Variants in IL1RAPL1 observed in about 807,000 individuals in gnomAD.
The protein encoded by IL1RAPL1 is interleukin 1 receptor accessory protein like 1.
In IL1RAPL1, 3 loss-of-function variants were observed where a neutral mutation model predicts 48.4. The ratio of observed to expected loss-of-function variants is 0.06; its 90% CI spans 0.03 to 0.16. The LOEUF (loss-of-function observed/expected upper bound fraction) is 0.16, where lower values mean the gene tolerates loss of function less well. IL1RAPL1 is among the 10% of genes least tolerant of loss of function. The pLI, the probability that IL1RAPL1 is intolerant of heterozygous loss-of-function variation, is 1.00. For synonymous variants in IL1RAPL1, 185 were observed against 187.7 expected, an observed-to-expected ratio of 0.99 and a Z score of 0.12; for missense variants, 349 against 530.6, an observed-to-expected ratio of 0.66 and a Z score of 3.36.
Position 29,137,258 on chromosome X carries a change from TCACA to T in IL1RAPL1, c.83-145653_83-145650del, listed in dbSNP as rs113222106. Among the ~76,000 whole-genome samples, 661 of 100,359 alleles carry T rather than the reference TCACA, an allele frequency of 6.6e-3. 3 individuals carry two copies. Among genetic ancestry groups the T allele is most frequent in the African/African-American group, 0.018 (518 of 28,033 alleles). The allele number at this position is 100,359 out of a possible 115,157, so 87.1% of individuals were successfully genotyped here. Reference sequence around the variant, plus strand: ...AAAAATTACACACACACACTTGCGCTCACACACACACACACACACACACACACAC... The same window carrying T: ...AAAAATTACACACACACACTTGCGCTCACACACACACACACACACACACAC... On this transcript the variant is annotated intron_variant, in intron 2 of 10. Transcript: ENST00000378993.
intron 9 of IL1RAPL1, among the ~76,000 whole-genome samples, chrX:29,949,001 C>CT (rs2147255596): frequency 8.9e-6 from 1 of 112,068 alleles, no homozygotes; most frequent in Non-Finnish European, 1.9e-5. Context: ...CAGCCACTAC[C>CT]TTCAACTTGA....
intron 2 of IL1RAPL1, among the ~76,000 whole-genome samples, chrX:29,057,627 C>A (rs1287150472): frequency 1.9e-4 from 21 of 110,705 alleles, no homozygotes; most frequent in African/African-American, 5.3e-4. Context: ...TGGGGTTTCA[C>A]CATGTTGGCC....
chrX:29,610,640 A>C (rs980007199), intron 5 of IL1RAPL1, among the ~76,000 whole-genome samples: 56 of 112,474 alleles, frequency 5.0e-4, no homozygotes, highest in African/African-American at 1.7e-3. Context: ...TTTTATTGTT[A>C]ACCTGACGGT....
chrX:28,899,199 C>G (rs1923010286), intron 2 of IL1RAPL1, among the ~76,000 whole-genome samples: 1 of 111,433 alleles, frequency 9.0e-6, no homozygotes, highest in South Asian at 3.8e-4. Flanking sequence ...TACAAGAGAA[C>G]AGCATGGGGG....
chrX:29,908,684 T>C (rs1052734029), intron 6 of IL1RAPL1, among the ~76,000 whole-genome samples: 5 of 112,070 alleles, frequency 4.5e-5, no homozygotes, highest in Admixed American at 2.8e-4. Context: ...AAAAGAATGT[T>C]ATATCAAAAG....
chrX:29,257,290 G>A (rs1380430451), intron 2 of IL1RAPL1, among the ~76,000 whole-genome samples: 3 of 110,934 alleles, frequency 2.7e-5, no homozygotes, highest in Non-Finnish European at 5.7e-5. Context: ...TTGCCCTAAT[G>A]CATTATATCA....
chrX:28,954,801 A>G lies in IL1RAPL1; in HGVS notation c.82+165376A>G, dbSNP rs761858291. On this transcript the variant is annotated intron_variant, in intron 2 of 10. Coordinates refer to ENST00000378993, the MANE Select transcript of IL1RAPL1 (RefSeq NM_014271.4). ...TAAGAGGCCTAAAAATGACTAGGCA[A>G]AACAAGTGAAGTTAGAAGTGATAAA... 4.5e-5 allele frequency among the ~76,000 whole-genome samples: 5 copies of G among 111,843 alleles called. No homozygotes were observed. In the South Asian group the frequency reaches 1.9e-3, roughly 42 times the overall value.
At chrX:29,635,684 G>A (rs1924944935) in intron 5 of IL1RAPL1, among the ~76,000 whole-genome samples, 2 of 110,018 alleles carry the variant, frequency 1.8e-5, no homozygotes, top group African/African-American at 6.6e-5. Flanking sequence ...AGAAATGTGT[G>A]GATTATAAGC....
In IL1RAPL1 at chrX:28,723,933, G is replaced by A. The variant is rs1201860987; in HGVS notation, c.-24-65387G>A. Among the ~76,000 whole-genome samples the A allele has an allele frequency of 9.8e-5, 11 of 111,853 alleles. No homozygotes were observed. In the East Asian group the frequency reaches 1.1e-3, roughly 11 times the overall value. On this transcript the variant is annotated intron_variant, in intron 1 of 10. Coordinates refer to ENST00000378993, the MANE Select transcript of IL1RAPL1 (RefSeq NM_014271.4). ...GTGAGTTTCTTAATCCTGAGTTCTA[G>A]TTTGATTGCACTGTGGTCTGAGAGA... is the stretch of plus-strand genomic sequence containing the variant.
At chrX:29,919,436 T>C (rs2046723433) in intron 7 of IL1RAPL1, among the ~76,000 whole-genome samples, 1 of 112,414 alleles carries the variant, frequency 8.9e-6, no homozygotes, top group Admixed American at 9.4e-5. Flanking sequence ...CCAGAACTTT[T>C]AGTCTACAGG....
intron 1 of IL1RAPL1, among the ~76,000 whole-genome samples, chrX:28,737,566 A>G (rs1189625513): frequency 9.0e-6 from 1 of 111,255 alleles, no homozygotes; most frequent in African/African-American, 3.3e-5. Flanking sequence ...CCAGCCCTGA[A>G]TACTTCTGAA....
chrX:28,741,260 G>A (rs994108735), intron 1 of IL1RAPL1, among the ~76,000 whole-genome samples: 2 of 111,587 alleles, frequency 1.8e-5, no homozygotes. Flanking sequence ...TTATTTCATT[G>A]TGGTTTGGAT....
intron 2 of IL1RAPL1, among the ~76,000 whole-genome samples, chrX:29,088,631 C>T (rs1928007862): frequency 1.1e-5 from 1 of 94,279 alleles, no homozygotes; most frequent in Non-Finnish European, 2.0e-5. Context: ...AGCCGACATG[C>T]GCCATTGTAC....
At chrX:28,797,374 A>G (rs755936333) in intron 2 of IL1RAPL1, among the ~76,000 whole-genome samples, 1 of 111,889 alleles carries the variant, frequency 8.9e-6, no homozygotes, top group South Asian at 3.8e-4. Flanking sequence ...CAAATTTTCC[A>G]AACTTTTATG....
chrX:29,112,465 G>T (rs1173423980), intron 2 of IL1RAPL1, among the ~76,000 whole-genome samples: 4 of 93,586 alleles, frequency 4.3e-5, no homozygotes, highest in Middle Eastern at 5.5e-3. Flanking sequence ...TGAGTGATTT[G>T]ATTTCTTTTT....
chrX:28,825,683 A>G (rs1365298585), intron 2 of IL1RAPL1, among the ~76,000 whole-genome samples: 2 of 111,408 alleles, frequency 1.8e-5, no homozygotes. Context: ...TGTATAATAT[A>G]TAATATAATT....
rs1934127764 is a variant in IL1RAPL1 at position 29,410,333 on chromosome X, T to C, written c.703+11025T>C. On this transcript the variant is annotated intron_variant, in intron 5 of 10. Coordinates refer to ENST00000378993, the MANE Select transcript of IL1RAPL1 (RefSeq NM_014271.4). ...AAAATTAGCTGGGTGTGGTGGTGCG[T>C]GCCTGTAGTCCCAGCTGCTCAGGAG... Among the ~76,000 whole-genome samples, 3 of 108,916 alleles carry C rather than the reference T, an allele frequency of 2.8e-5. No individual in the cohort carries two copies. The South Asian group carries it at 1.2e-3, about 45-fold the overall frequency. 94.6% of individuals were successfully genotyped at this position (108,916 alleles called of 115,157 possible). A position where few individuals can be genotyped will look rare whatever the true frequency, so the allele number is the denominator to read the frequency against.
intron 1 of IL1RAPL1, among the ~76,000 whole-genome samples, chrX:28,743,563 A>G (rs1014339112): frequency 3.6e-5 from 4 of 110,643 alleles, no homozygotes; most frequent in Non-Finnish European, 5.7e-5. Context: ...GATTAGAGAA[A>G]TGCTCCAATT....
chrX:29,272,143 C>A (rs1411734486), intron 2 of IL1RAPL1, among the ~76,000 whole-genome samples: 5 of 111,677 alleles, frequency 4.5e-5, no homozygotes, highest in Non-Finnish European at 7.5e-5. Context: ...TATTTCAGTA[C>A]CATTTATTGA....
Sources: allele counts gnomAD v4.1 joint callset (sites outside exome capture counted in the v4.1 genomes callset), GRCh38; gene constraint gnomAD v4.1.1; transcripts MANE v1.5; gene names NCBI Gene and HGNC (gene_info 2026-07-23, HGNC 2026-07-21).